Variants in FGFR2 observed in about 807,000 individuals in gnomAD.
FGFR2 encodes the protein BEK fibroblast growth factor receptor.
A neutral mutation model predicts 95.9 loss-of-function variants in FGFR2; 19 were observed. The observed-to-expected ratio is 0.20, with a 90% CI of 0.14 to 0.29. The LOEUF is 0.29. FGFR2 is among the 10% of genes least tolerant of loss of function. FGFR2 has a pLI of 1.00. For synonymous variants in FGFR2, 392 were observed against 393.3 expected, an observed-to-expected ratio of 1.00 and a Z score of 0.04; for missense variants, 707 against 1,056.9, an observed-to-expected ratio of 0.67 and a Z score of 4.59.
intron 9 of FGFR2, among the ~76,000 whole-genome samples, chr10:121,508,771 G>T (rs1241823738): frequency 6.6e-6 from 1 of 152,210 alleles, no homozygotes; most frequent in African/African-American, 2.4e-5. Flanking sequence ...GGGGAAAAGG[G>T]TAAGAAAACG....
At chr10:121,496,967 C>T (rs977022664) in intron 12 of FGFR2, among the ~76,000 whole-genome samples, 37 of 151,290 alleles carry the variant, frequency 2.4e-4, no homozygotes, top group African/African-American at 2.4e-5. Flanking sequence ...CTCGTCTCTA[C>T]TAAAAATACA....
At chr10:121,577,176 T>TACAGAGAGAGAGAGAG (rs1278087472) in intron 2 of FGFR2, among the ~76,000 whole-genome samples, 1 of 7,488 alleles carries the variant, frequency 1.3e-4, no homozygotes, top group African/African-American at 5.2e-4. Context: ...TATATATATA[T>TACAGAGAGAGAGAGAG]ATAGAGAGAG....
chr10:121,565,692 T>C lies in FGFR2; in HGVS notation c.122A>G (p.Lys41Arg), dbSNP rs2135124493. 2 of 1,614,056 alleles carry C rather than the reference T, an allele frequency of 1.2e-6. No homozygotes were observed. The highest frequency in any genetic ancestry group is 1.3e-5 in the African/African-American group (1 of 75,002). ...CACTTCTGGTTGAGAGATTTGGTAT[T>C]TGGTTGGTGGCTCTGCAGAAAGGTG... ...TTLEPEEPPT[K>R]YQISQPEVYV... The change falls in exon 3 of 18, where the codon AAA (lysine) becomes AGA (arginine). Residue 41 changes from lysine (K) to arginine (R), a missense_variant. Transcript: ENST00000358487.
At chr10:121,484,391 A>G (rs1161870135) in intron 16 of FGFR2, among the ~76,000 whole-genome samples, 1 of 152,188 alleles carries the variant, frequency 6.6e-6, no homozygotes, top group African/African-American at 2.4e-5. Context: ...TCTTATCTTG[A>G]TTTTGGGTTT....
intron 2 of FGFR2, among the ~76,000 whole-genome samples, chr10:121,591,141 G>A (rs905305660): frequency 6.6e-5 from 10 of 152,068 alleles, no homozygotes; most frequent in African/African-American, 1.2e-4. Flanking sequence ...ACACCAAAGC[G>A]AACTCCTGCA....
At chr10:121,566,735 C>T (rs1857721782) in intron 2 of FGFR2, among the ~76,000 whole-genome samples, 1 of 152,088 alleles carries the variant, frequency 6.6e-6, no homozygotes, top group African/African-American at 2.4e-5. Flanking sequence ...CCCATCTCCC[C>T]ACGGAGACAC....
At chr10:121,543,280 CG>C (rs1345663186) in intron 5 of FGFR2, among the ~76,000 whole-genome samples, 1 of 152,086 alleles carries the variant, frequency 6.6e-6, no homozygotes, top group Non-Finnish European at 1.5e-5. Flanking sequence ...GAGGCCGAGG[CG>C]GGCAGATCAT....
chr10:121,529,876 G>A (rs1222581749), intron 6 of FGFR2, among the ~76,000 whole-genome samples: 1 of 152,192 alleles, frequency 6.6e-6, no homozygotes, highest in African/African-American at 2.4e-5. Flanking sequence ...TTCAAGGATA[G>A]AGAATTAACC....
At chr10:121,580,881 TTCA>T (rs1860744250) in intron 2 of FGFR2, among the ~76,000 whole-genome samples, 1 of 151,736 alleles carries the variant, frequency 6.6e-6, no homozygotes, top group African/African-American at 2.4e-5. Flanking sequence ...CAAAGCAGCA[TTCA>T]GAGGGAAGCT....
chr10:121,536,552 A>G (rs1393751851), intron 6 of FGFR2, among the ~76,000 whole-genome samples: 1 of 152,174 alleles, frequency 6.6e-6, no homozygotes, highest in Non-Finnish European at 1.5e-5. Context: ...TTGCCAGGGG[A>G]TTAACATTAG....
chr10:121,559,681 G>C (rs1009402769), intron 4 of FGFR2, among the ~76,000 whole-genome samples: 2 of 152,244 alleles, frequency 1.3e-5, no homozygotes, highest in Admixed American at 6.5e-5. Flanking sequence ...CAGAGTTGCT[G>C]TCATTCGAGA....
At chr10:121,488,810 C>T (rs2133850054) in intron 13 of FGFR2, among the ~76,000 whole-genome samples, 1 of 152,298 alleles carries the variant, frequency 6.6e-6, no homozygotes, top group South Asian at 2.1e-4. Context: ...TTTCTCTCAA[C>T]ACTTGCTCTC....
chr10:121,574,033 G>A (rs41302277), intron 2 of FGFR2, among the ~76,000 whole-genome samples: 1 of 152,104 alleles, frequency 6.6e-6, no homozygotes. Context: ...ACCCCCAACT[G>A]GCCCTCTTAG....
chr10:121,534,254 A>AC (rs1246705195), intron 6 of FGFR2, among the ~76,000 whole-genome samples: 5 of 150,462 alleles, frequency 3.3e-5, no homozygotes, highest in South Asian at 2.1e-4. Flanking sequence ...ACCTGCCACC[A>AC]CCCCTGGGTA....
intron 5 of FGFR2, among the ~76,000 whole-genome samples, chr10:121,542,570 T>C (rs1306778124): frequency 2.0e-5 from 3 of 152,234 alleles, no homozygotes; most frequent in Non-Finnish European, 4.4e-5. Context: ...GAATTCATCA[T>C]TATTTTTCAT....
chr10:121,526,743 T>G (rs935143043), intron 6 of FGFR2: 1 of 398,622 alleles, frequency 2.5e-6, no homozygotes, highest in African/African-American at 2.1e-5. Context: ...TTTGTTTTGT[T>G]TAAACACATT....
intron 13 of FGFR2, among the ~76,000 whole-genome samples, chr10:121,492,018 T>TA (rs894566729): frequency 5.3e-5 from 8 of 150,300 alleles, no homozygotes; most frequent in Admixed American, 5.3e-4. Context: ...ACCCCGTCTC[T>TA]ACCAAAAAAT....
rs192033545 is a variant in FGFR2 at position 121,496,028 on chromosome 10, G to A, written c.1863+504C>T. On this transcript the variant is annotated intron_variant, in intron 13 of 17. Coordinates refer to ENST00000358487, the MANE Select transcript of FGFR2 (RefSeq NM_000141.5). Reference sequence around the variant, plus strand: ...CACAGAGGGTCACCCGCCAAACGAGGCAAAATAAACGCAGAGCTCCAGGAC... The same window carrying A: ...CACAGAGGGTCACCCGCCAAACGAGACAAAATAAACGCAGAGCTCCAGGAC... Among the ~76,000 whole-genome samples, 248 of 152,268 alleles carry A rather than the reference G, an allele frequency of 1.6e-3. 1 individual carries two copies. The highest frequency in any genetic ancestry group is 5.2e-3 in the African/African-American group (218 of 41,554).
At chr10:121,568,140 G>GC (rs1010972540) in intron 2 of FGFR2, among the ~76,000 whole-genome samples, 5 of 152,108 alleles carry the variant, frequency 3.3e-5, no homozygotes, top group Admixed American at 2.0e-4. Flanking sequence ...GGAGAAGACG[G>GC]CAGGGATTCA....
Sources: allele counts gnomAD v4.1 joint callset (sites outside exome capture counted in the v4.1 genomes callset), GRCh38; gene constraint gnomAD v4.1.1; transcripts MANE v1.5; gene names NCBI Gene and HGNC (gene_info 2026-07-23, HGNC 2026-07-21).